Variants in MARCHF3 observed in about 807,000 individuals in gnomAD.
MARCHF3 encodes membrane associated ring-CH-type finger 3, also known as E3 ubiquitin-protein ligase MARCHF3.
Under a neutral mutation model 24.2 loss-of-function variants are expected in MARCHF3, and 13 were observed. The observed-to-expected ratio is 0.54, with a 90% CI of 0.35 to 0.85. The LOEUF (loss-of-function observed/expected upper bound fraction) is 0.85. Ranked by LOEUF, MARCHF3 falls within the 40% of genes least tolerant of loss-of-function variation. The probability of loss-of-function intolerance (pLI) is 0.01; values close to 1 mark genes in which losing one functional copy is unlikely to be tolerated. For missense variants in MARCHF3, 276 were observed against 325.0 expected (o/e 0.85, Z 1.16); for synonymous variants, 144 against 137.3 (o/e 1.05, Z -0.34).
intron 1 of MARCHF3, among the ~76,000 whole-genome samples, chr5:126,955,052 C>T (rs1373871116): frequency 2.0e-5 from 3 of 152,154 alleles, no homozygotes; most frequent in Admixed American, 6.5e-5. Flanking sequence ...TCACTTTGTT[C>T]GCCCAACGCT....
intron 3 of MARCHF3, among the ~76,000 whole-genome samples, chr5:126,888,878 C>A (rs967483412): frequency 6.6e-6 from 1 of 152,166 alleles, no homozygotes; most frequent in Non-Finnish European, 1.5e-5. Flanking sequence ...TATTCTCGTG[C>A]CTCAGCCTCC....
chr5:127,027,285 G>A (rs1753029432), intron 1 of MARCHF3, among the ~76,000 whole-genome samples: 1 of 152,136 alleles, frequency 6.6e-6, no homozygotes, highest in Non-Finnish European at 1.5e-5. Flanking sequence ...CTGGGCCTCT[G>A]GGTGGGTGGC....
chr5:126,905,911 C>T (rs1356714790), intron 3 of MARCHF3, among the ~76,000 whole-genome samples: 1 of 152,136 alleles, frequency 6.6e-6, no homozygotes, highest in East Asian at 1.9e-4. Flanking sequence ...AAAAGGAATG[C>T]TTCCAGTTTC....
chr5:126,884,391 T>A (rs1753441958), intron 3 of MARCHF3, among the ~76,000 whole-genome samples: 1 of 152,190 alleles, frequency 6.6e-6, no homozygotes. Context: ...ACCAGACTTG[T>A]AACAAAGTAT....
At chr5:126,972,576 T>A (rs1375639644) in intron 1 of MARCHF3, among the ~76,000 whole-genome samples, 3 of 152,204 alleles carry the variant, frequency 2.0e-5, no homozygotes, top group Non-Finnish European at 4.4e-5. Flanking sequence ...AAGGTGTTGA[T>A]GCCATTCATT....
chr5:127,024,051 A>C (rs1237947180), intron 1 of MARCHF3, among the ~76,000 whole-genome samples: 1 of 152,220 alleles, frequency 6.6e-6, no homozygotes, highest in Non-Finnish European at 1.5e-5. Flanking sequence ...GTATGGGAAC[A>C]AAAGAGAAAT....
intron 1 of MARCHF3, among the ~76,000 whole-genome samples, chr5:127,005,967 C>T (rs1291001736): frequency 6.6e-6 from 1 of 151,884 alleles, no homozygotes; most frequent in East Asian, 1.9e-4. Context: ...TTTGGGAGGC[C>T]GAGGCGGGCG....
chr5:127,020,972 A>T (rs1483030334), intron 1 of MARCHF3, among the ~76,000 whole-genome samples: 1 of 152,208 alleles, frequency 6.6e-6, no homozygotes, highest in East Asian at 1.9e-4. Flanking sequence ...GTGGGGAAGA[A>T]GGCCCTCCCC....
chr5:126,907,167 A>G (rs1172021108), intron 3 of MARCHF3, among the ~76,000 whole-genome samples: 2 of 150,618 alleles, frequency 1.3e-5, no homozygotes, highest in Admixed American at 1.3e-4. Flanking sequence ...GTTTGATTGC[A>G]CTGTGGTCTG....
intron 1 of MARCHF3, among the ~76,000 whole-genome samples, chr5:127,001,396 G>C (rs1206672982): frequency 6.6e-6 from 1 of 152,130 alleles, no homozygotes; most frequent in East Asian, 1.9e-4. Context: ...TAAAGCTTCT[G>C]ATCTAAATTC....
chr5:126,936,890 T>C (rs375342290), intron 1 of MARCHF3, among the ~76,000 whole-genome samples: 1 of 152,146 alleles, frequency 6.6e-6, no homozygotes, highest in Non-Finnish European at 1.5e-5. Flanking sequence ...AATTCAACAA[T>C]GTTTCTCCCC....
At chr5:126,900,515 A>C (rs976402400) in intron 3 of MARCHF3, among the ~76,000 whole-genome samples, 4 of 151,860 alleles carry the variant, frequency 2.6e-5, no homozygotes, top group African/African-American at 4.8e-5. Context: ...GAGGACCCTC[A>C]CTAGAACCCA....
intron 3 of MARCHF3, among the ~76,000 whole-genome samples, chr5:126,903,593 AT>A (rs1754178870): frequency 6.6e-6 from 1 of 152,056 alleles, no homozygotes; most frequent in Non-Finnish European, 1.5e-5. Context: ...CAAATCCATT[AT>A]AATAACAGTC....
At chr5:126,998,552 T>C (rs376198393) in intron 1 of MARCHF3, among the ~76,000 whole-genome samples, 2 of 152,192 alleles carry the variant, frequency 1.3e-5, no homozygotes, top group East Asian at 3.9e-4. Flanking sequence ...ACAGAAGCCA[T>C]CAGGTGGAGA....
chr5:126,956,645 C>CAG (rs1750450602), intron 1 of MARCHF3, among the ~76,000 whole-genome samples: 4 of 20,598 alleles, frequency 1.9e-4, no homozygotes, highest in Non-Finnish European at 6.1e-4. Flanking sequence ...GCTCTGTCTC[C>CAG]AAAAAAAAAA....
chr5:127,015,627 A>G (rs1178862398), intron 1 of MARCHF3, among the ~76,000 whole-genome samples: 1 of 152,216 alleles, frequency 6.6e-6, no homozygotes, highest in Admixed American at 6.5e-5. Context: ...CTTCCAAACT[A>G]AAATCTGAGG....
At chr5:126,908,180 C>T (rs577907399) in intron 3 of MARCHF3, among the ~76,000 whole-genome samples, 247 of 152,218 alleles carry the variant, frequency 1.6e-3, no homozygotes, top group Admixed American at 3.1e-3. Context: ...GAGTTCCTGC[C>T]GACAGATCTG....
At chr5:126,999,087 G>A (rs184806305) in intron 1 of MARCHF3, among the ~76,000 whole-genome samples, 67 of 152,214 alleles carry the variant, frequency 4.4e-4, no homozygotes, top group Admixed American at 1.3e-3. Flanking sequence ...ATAATTCCTT[G>A]GTGAATACCT....
At chr5:126,907,506 A>T (rs1186545760) in intron 3 of MARCHF3, among the ~76,000 whole-genome samples, 12 of 151,966 alleles carry the variant, frequency 7.9e-5, no homozygotes, top group Admixed American at 2.6e-4. Flanking sequence ...GTGCTCCTGT[A>T]TTGGGTGCAT....
Sources: allele counts gnomAD v4.1 joint callset (sites outside exome capture counted in the v4.1 genomes callset), GRCh38; gene constraint gnomAD v4.1.1; transcripts MANE v1.5; gene names NCBI Gene and HGNC (gene_info 2026-07-23, HGNC 2026-07-21).